GALNT18: variants seen among roughly 807,000 people sequenced by gnomAD.
GALNT18 encodes polypeptide N-acetylgalactosaminyltransferase 18.
In GALNT18, 44 loss-of-function variants were observed where a neutral mutation model predicts 69.5. The observed-to-expected ratio is 0.63, with a 90% CI of 0.50 to 0.81. The LOEUF (loss-of-function observed/expected upper bound fraction) is 0.81, where lower values mean the gene tolerates loss of function less well. Ranked by LOEUF, GALNT18 falls within the 40% of genes least tolerant of loss-of-function variation. The pLI is 0.00. For missense variants in GALNT18, 715 were observed against 810.0 expected, an observed-to-expected ratio of 0.88 and a Z score of 1.42; for synonymous variants, 364 against 318.2, an observed-to-expected ratio of 1.14 and a Z score of -1.53.
chr11:11,525,632 CTT>C (rs33938067), intron 1 of GALNT18, among the ~76,000 whole-genome samples: 24 of 118,630 alleles, frequency 2.0e-4, no homozygotes, highest in African/African-American at 5.5e-4. Flanking sequence ...GTGCATATTA[CTT>C]TTTTTTTTTT....
chr11:11,544,584 T>C (rs1285467116), intron 1 of GALNT18, among the ~76,000 whole-genome samples: 1 of 152,212 alleles, frequency 6.6e-6, no homozygotes, highest in Non-Finnish European at 1.5e-5. Context: ...CTAGGATACA[T>C]GTGCAGAATG....
chr11:11,515,084 T>C (rs1029910288), intron 1 of GALNT18, among the ~76,000 whole-genome samples: 12 of 152,336 alleles, frequency 7.9e-5, no homozygotes, highest in African/African-American at 2.4e-4. Flanking sequence ...ATCTGCCACT[T>C]TCTAGCTGCG....
chr11:11,476,580 G>A (rs1856404233), intron 1 of GALNT18: 1 of 152,232 alleles, frequency 6.6e-6, no homozygotes, highest in Non-Finnish European at 1.5e-5. Context: ...CCGGTGACAA[G>A]GATGAGCTAT....
intron 8 of GALNT18, 67 bp from the exon 9 acceptor site, chr11:11,327,248 T>A (rs1157681937): frequency 4.3e-5 from 50 of 1,167,580 alleles, no homozygotes; most frequent in Non-Finnish European, 6.3e-5. Flanking sequence ...GAATTAACTC[T>A]GGAGAAACAA....
intron 10 of GALNT18, among the ~76,000 whole-genome samples, chr11:11,274,542 T>C (rs1848897263): frequency 6.6e-6 from 1 of 152,080 alleles, no homozygotes; most frequent in Non-Finnish European, 1.5e-5. Flanking sequence ...CCTGAGTAGG[T>C]GGGTTTTTAA....
chr11:11,393,336 C>T (rs926181659), intron 3 of GALNT18, among the ~76,000 whole-genome samples: 1 of 152,242 alleles, frequency 6.6e-6, no homozygotes, highest in Non-Finnish European at 1.5e-5. Flanking sequence ...TGAGAGTTTA[C>T]TAACTGCTTG....
Position 11,340,749 on chromosome 11 carries a change from C to G in GALNT18, c.1278+70G>C. On this transcript the variant is annotated intron_variant, in intron 7 of 10. Transcript: ENST00000227756. This position sits in a 1 kb window ranked among gnomAD's most constrained non-coding sequence, Gnocchi z 4.2. ...TGGCTGACCCATAGGAAGAAGGGTT[C>G]GGTCCCATATCTTGTTTTGTTTGTT... 7.0e-7 allele frequency: 1 copy of G among 1,427,194 alleles called. No individual in the cohort carries two copies. The highest frequency in any genetic ancestry group is 9.6e-7 in the Non-Finnish European group (1 of 1,044,602). 88.4% of individuals were successfully genotyped at this position (1,427,194 alleles called of 1,614,324 possible).
intron 3 of GALNT18, among the ~76,000 whole-genome samples, chr11:11,419,634 A>G (rs1854952802): frequency 6.7e-6 from 1 of 149,522 alleles, no homozygotes; most frequent in Admixed American, 6.7e-5. Flanking sequence ...AAAGAAGGAA[A>G]AGAAACCATG....
Position 11,402,193 on chromosome 11 carries a change from T to C in GALNT18, c.596-22929A>G, listed in dbSNP as rs1385096069. Among the ~76,000 whole-genome samples, 1 of 152,230 alleles carries C rather than the reference T, an allele frequency of 6.6e-6. No individual in the cohort carries two copies. The highest frequency in any genetic ancestry group is 1.5e-5 in the Non-Finnish European group (1 of 68,046). Reference sequence around the variant, plus strand: ...AGAAGAATCATGCAATCATGGTTTATTTTCTGTCACCTTGGGAACGCTACC... The same window carrying C: ...AGAAGAATCATGCAATCATGGTTTACTTTCTGTCACCTTGGGAACGCTACC... On this transcript the variant is annotated intron_variant, in intron 3 of 10. Coordinates refer to ENST00000227756, the MANE Select transcript of GALNT18 (RefSeq NM_198516.3). This position sits in a 1 kb window ranked among gnomAD's most constrained non-coding sequence, Gnocchi z 4.0.
At position 11,621,540 on chromosome 11, in the gene GALNT18, G is replaced by A. The variant is rs747341925; in HGVS notation, c.54C>T (p.Ser18=). The A allele has an allele frequency of 6.2e-7, 1 of 1,613,764 alleles. No homozygotes were observed. Among genetic ancestry groups the A allele is most frequent in the African/African-American group, 1.3e-5 (1 of 74,896 alleles). ...GCAGGCAGATGATGTTAGTCATGCC[G>A]CTCAGGATCACGCAAGTGGACACCA... ...KTLVSTCVIL[S]GMTNIICLLY... The change falls in exon 1 of 11, where the codon AGC becomes AGT. Residue 18 remains serine, a synonymous_variant. Transcript: ENST00000227756. This position sits in a 1 kb window ranked among gnomAD's most constrained non-coding sequence, Gnocchi z 9.3.
rs143187754 is a variant in GALNT18, at chr11:11,541,239, G to A, written c.235+80120C>T. 4.6e-5 allele frequency among the ~76,000 whole-genome samples: 7 copies of A among 152,048 alleles called. No individual in the cohort carries two copies. The highest frequency in any genetic ancestry group is 3.9e-4 in the East Asian group (2 of 5,168). ...TCAGCCCAGTGCCATGCAAATAATCGCCTGTGTTTTTGTGAACACTTTAGA... is the reference window on the plus strand; with the variant it reads ...TCAGCCCAGTGCCATGCAAATAATCACCTGTGTTTTTGTGAACACTTTAGA... On this transcript the variant is annotated intron_variant, in intron 1 of 10. Coordinates refer to ENST00000227756, the MANE Select transcript of GALNT18 (RefSeq NM_198516.3). The surrounding 1 kb of genome is among the most constrained non-coding windows in gnomAD (Gnocchi z 4.8).
intron 1 of GALNT18, among the ~76,000 whole-genome samples, chr11:11,529,062 C>T (rs1419331906): frequency 1.3e-5 from 2 of 152,198 alleles, no homozygotes; most frequent in Non-Finnish European, 2.9e-5. Flanking sequence ...AGAGAACAGC[C>T]TCTTCTGTAT....
In GALNT18 at chr11:11,337,463, T is replaced by C. The variant is rs1850133184; in HGVS notation, c.1278+3356A>G. 6.6e-6 allele frequency among the ~76,000 whole-genome samples: 1 copy of C among 152,198 alleles called. No homozygotes were observed. On this transcript the variant is annotated intron_variant, in intron 7 of 10. Coordinates refer to ENST00000227756, the MANE Select transcript of GALNT18 (RefSeq NM_198516.3). The surrounding 1 kb of genome is among the most constrained non-coding windows in gnomAD (Gnocchi z 4.9). ...CTTCCAAACCAGTTAAGTGGTAATC[T>C]GTGGGGGTGGAACCCAACTGATTTT...
At chr11:11,380,211 C>T (rs1853877846) in intron 3 of GALNT18, among the ~76,000 whole-genome samples, 1 of 152,196 alleles carries the variant, frequency 6.6e-6, no homozygotes, top group South Asian at 2.1e-4. Context: ...ATGCCAGGGT[C>T]CCTCAATCTT....
In GALNT18 at chr11:11,464,388, C is replaced by T. The variant is rs114346036; in HGVS notation, c.236-15452G>A. 5.3e-3 allele frequency among the ~76,000 whole-genome samples: 811 copies of T among 152,314 alleles called. 7 individuals are homozygous for T. Among genetic ancestry groups the T allele is most frequent in the African/African-American group, 0.018 (756 of 41,580 alleles). On this transcript the variant is annotated intron_variant, in intron 1 of 10. Coordinates refer to ENST00000227756, the MANE Select transcript of GALNT18 (RefSeq NM_198516.3). ...GCAGCCCTGAAGTTCCTCCTCCACA[C>T]CATGCCTCAAAGTTGGTGGGCACCC...
Position 11,291,889 on chromosome 11 carries a change from A to T in GALNT18, c.1677+1140T>A, listed in dbSNP as rs116086327. ...AATTCTGCACACCCAGACCACAGTCAAAGGTGCCCTATGCCCATACAATAT... is the reference window on the plus strand; with the variant it reads ...AATTCTGCACACCCAGACCACAGTCTAAGGTGCCCTATGCCCATACAATAT... On this transcript the variant is annotated intron_variant, in intron 10 of 10. Transcript: ENST00000227756. 4.5e-3 allele frequency among the ~76,000 whole-genome samples: 691 copies of T among 152,332 alleles called. 11 individuals carry two copies. Among genetic ancestry groups the T allele is most frequent in the African/African-American group, 0.016 (657 of 41,584 alleles).
intron 3 of GALNT18, among the ~76,000 whole-genome samples, chr11:11,424,697 A>G (rs1421488513): frequency 6.6e-6 from 1 of 152,110 alleles, no homozygotes; most frequent in African/African-American, 2.4e-5. Context: ...ACAGCAGGAT[A>G]AGGAGGAGCC....
intron 2 of GALNT18, 87 bp downstream of exon 2, chr11:11,448,657 G>A (rs529425439): frequency 1.4e-4 from 152 of 1,115,674 alleles, no homozygotes; most frequent in Admixed American, 3.9e-4. Context: ...GAATCCAGGC[G>A]CCCAGTCCTG....
rs1859218756 is a variant in GALNT18 at position 11,586,127 on chromosome 11, T to A, written c.235+35232A>T. Among the ~76,000 whole-genome samples, 1 of 152,190 alleles carries A rather than the reference T, an allele frequency of 6.6e-6. No homozygotes were observed. Among genetic ancestry groups the A allele is most frequent in the East Asian group, 1.9e-4 (1 of 5,188 alleles). ...TCTTGGACTTTCCGGCCTCCAGAAC[T>A]GTGAAAAATAAATTTCTATTGTTTA... On this transcript the variant is annotated intron_variant, in intron 1 of 10. Transcript: ENST00000227756. This position sits in a 1 kb window ranked among gnomAD's most constrained non-coding sequence, Gnocchi z 4.1.
Sources: gnomAD v4.1 joint callset for allele counts (sites outside exome capture counted in the v4.1 genomes callset) on GRCh38, gnomAD v4.1.1 for gene constraint, Gnocchi (gnomAD v3.1) non-coding constraint, MANE v1.5 for transcripts, NCBI Gene and HGNC (gene_info 2026-07-23, HGNC 2026-07-21) for gene names.